The following COL4A5 variants were observed in gnomAD, a reference collection of about 807,000 sequenced individuals.
COL4A5 encodes the protein collagen alpha-5(IV) chain.
Under a neutral mutation model 130.2 loss-of-function variants are expected in COL4A5, and 26 were observed. That is an observed-to-expected ratio of 0.20 (90% CI 0.15 to 0.28). COL4A5 has a LOEUF of 0.28. Among genes scored for constraint, COL4A5 ranks in the 10% least tolerant of loss-of-function variants. The pLI, the probability that COL4A5 is intolerant of heterozygous loss-of-function variation, is 1.00. For synonymous variants in COL4A5, 496 were observed against 439.6 expected (o/e 1.13, Z -1.60); for missense variants, 1,131 against 1,344.3 (o/e 0.84, Z 2.48).
At chrX:108,685,912 C>T in intron 47 of COL4A5, 119 bp from the exon 48 acceptor site, 2 of 569,822 alleles carry the variant, frequency 3.5e-6, no homozygotes, top group Admixed American at 3.0e-5. Context: ...CTTCTTTTTT[C>T]TGGATTTAAG....
intron 1 of COL4A5, among the ~76,000 whole-genome samples, chrX:108,475,024 G>C (rs1358011733): frequency 9.0e-6 from 1 of 111,254 alleles, no homozygotes; most frequent in Non-Finnish European, 1.9e-5. Flanking sequence ...TTGACATCTG[G>C]TAGTGTGACA....
chrX:108,654,767 GA>G (rs758143151), intron 36 of COL4A5, among the ~76,000 whole-genome samples: 23 of 112,685 alleles, frequency 2.0e-4, no homozygotes, highest in Non-Finnish European at 3.8e-4. Flanking sequence ...CTGAAGAATT[GA>G]TAGACTTCCT....
intron 1 of COL4A5, among the ~76,000 whole-genome samples, chrX:108,461,986 A>C (rs1020427793): frequency 1.8e-5 from 2 of 112,075 alleles, no homozygotes; most frequent in Admixed American, 9.4e-5. Context: ...ATTAAATCAC[A>C]ATTAATGGAA....
At chrX:108,587,407 G>A (rs908723412) in intron 19 of COL4A5, among the ~76,000 whole-genome samples, 2 of 110,588 alleles carry the variant, frequency 1.8e-5, no homozygotes, top group African/African-American at 6.6e-5. Context: ...TTCACTTAAC[G>A]TAATGTCCTT....
At chrX:108,647,249 T>G (rs1199610312) in intron 36 of COL4A5, among the ~76,000 whole-genome samples, 2 of 111,600 alleles carry the variant, frequency 1.8e-5, no homozygotes, top group African/African-American at 3.3e-5. Context: ...TATGCTCTTT[T>G]ATTTCATTGA....
chrX:108,473,610 TA>T lies in COL4A5; in HGVS notation c.81+33405del, dbSNP rs2064798648. Among the ~76,000 whole-genome samples, 2 of 46,666 alleles carry T rather than the reference TA, an allele frequency of 4.3e-5. 1 individual carries two copies. Among genetic ancestry groups the T allele is most frequent in the Non-Finnish European group, 9.2e-5 (2 of 21,791 alleles). 40.5% of individuals were successfully genotyped at this position (46,666 alleles called of 115,157 possible). A position where few individuals can be genotyped will look rare whatever the true frequency, so the allele number is the denominator to read the frequency against. On this transcript the variant is annotated intron_variant, in intron 1 of 52. Transcript: ENST00000328300. ...ATATAAAGTTTTATATATATATATA[TA>T]TGTATATATATATATATATATATTT...
chrX:108,576,066 C>T, intron 10 of COL4A5, 94 bp downstream of exon 10: 1 of 537,794 alleles, frequency 1.9e-6, no homozygotes, highest in South Asian at 2.9e-5. Context: ...AAACATAATG[C>T]ATTCTCAACA....
intron 30 of COL4A5, 78 bp from the exon 31 acceptor site, chrX:108,620,181 T>C: frequency 2.2e-6 from 2 of 890,873 alleles, no homozygotes; most frequent in Non-Finnish European, 3.3e-6. Flanking sequence ...GTTCTATCAC[T>C]TGTTTACTAG....
chrX:108,689,465 C>T, intron 49 of COL4A5: 2 of 751,947 alleles, frequency 2.7e-6, no homozygotes, highest in Non-Finnish European at 1.6e-6. Context: ...TTTTCAGAAT[C>T]CATGTATTTT....
chrX:108,496,949 A>G (rs996833896), intron 1 of COL4A5, among the ~76,000 whole-genome samples: 2 of 111,847 alleles, frequency 1.8e-5, no homozygotes, highest in African/African-American at 6.5e-5. Context: ...AGAGCTGTAC[A>G]ATCATACTCA....
intron 37 of COL4A5, among the ~76,000 whole-genome samples, chrX:108,663,743 TA>T (rs59197492): frequency 0.11 from 10,351 of 96,455 alleles, 1,153 homozygotes; most frequent in African/African-American, 0.34. Flanking sequence ...GAACTTAAAA[TA>T]AAAAAAAAAA....
At chrX:108,634,646 T>G (rs1268172897) in intron 36 of COL4A5, among the ~76,000 whole-genome samples, 8 of 111,895 alleles carry the variant, frequency 7.1e-5, no homozygotes, top group African/African-American at 2.6e-4. Flanking sequence ...TACAATGAAA[T>G]AAATCACTTT....
At chrX:108,671,652 AAT>A (rs780906893) in intron 42 of COL4A5, among the ~76,000 whole-genome samples, 2 of 111,784 alleles carry the variant, frequency 1.8e-5, no homozygotes, top group Non-Finnish European at 3.8e-5. Flanking sequence ...AGTAATGGAA[AAT>A]TACTAAGAGG....
chrX:108,635,367 A>C (rs1439654895), intron 36 of COL4A5, among the ~76,000 whole-genome samples: 1 of 112,041 alleles, frequency 8.9e-6, no homozygotes, highest in Non-Finnish European at 1.9e-5. Context: ...TTTATCTAAA[A>C]TGAAAGGGCT....
intron 36 of COL4A5, among the ~76,000 whole-genome samples, chrX:108,639,867 A>G (rs1021656075): frequency 1.8e-5 from 2 of 112,385 alleles, no homozygotes; most frequent in African/African-American, 6.5e-5. Context: ...GAAGGCTATT[A>G]TATAAAAAAC....
chrX:108,483,469 G>A (rs1031609108), intron 1 of COL4A5, among the ~76,000 whole-genome samples: 1 of 110,979 alleles, frequency 9.0e-6, no homozygotes, highest in East Asian at 2.8e-4. Context: ...CTTTATATTC[G>A]CTGGCAGCTG....
intron 49 of COL4A5, among the ~76,000 whole-genome samples, chrX:108,692,029 G>A (rs2068646618): frequency 9.0e-6 from 1 of 111,415 alleles, no homozygotes; most frequent in African/African-American, 3.3e-5. Context: ...AACTTACGAT[G>A]AAATTTAGAT....
chrX:108,644,317 T>C (rs2067528935), intron 36 of COL4A5, among the ~76,000 whole-genome samples: 1 of 111,808 alleles, frequency 8.9e-6, no homozygotes, highest in African/African-American at 3.3e-5. Context: ...CTGACAGCAC[T>C]AGACAGGTCA....
chrX:108,568,977 T>C, intron 6 of COL4A5, 156 bp downstream of exon 6: 1 of 460,107 alleles, frequency 2.2e-6, no homozygotes, highest in South Asian at 3.9e-5. Context: ...TTCTATATAT[T>C]GAACTATCAA....
Sources: gnomAD v4.1 joint callset for allele counts (sites outside exome capture counted in the v4.1 genomes callset) on GRCh38, gnomAD v4.1.1 for gene constraint, MANE v1.5 for transcripts, NCBI Gene and HGNC (gene_info 2026-07-23, HGNC 2026-07-21) for gene names.